Variants in SCHIP1 observed in about 807,000 individuals in gnomAD.
SCHIP1 encodes schwannomin interacting protein 1.
In SCHIP1, 8 loss-of-function variants were observed where a neutral mutation model predicts 29.7. That is an observed-to-expected ratio of 0.27 (90% CI 0.16 to 0.49). The LOEUF (loss-of-function observed/expected upper bound fraction) is 0.49, where lower values mean the gene tolerates loss of function less well. Ranked by LOEUF, SCHIP1 falls within the 20% of genes least tolerant of loss-of-function variation. SCHIP1 has a pLI of 0.99. For missense variants in SCHIP1, 193 were observed against 294.6 expected (o/e 0.66, Z 2.52); for synonymous variants, 76 against 94.9 (o/e 0.80, Z 1.16).
the SCHIP1 span, among the ~76,000 whole-genome samples, chr3:159,814,742 T>C: frequency 6.6e-6 from 1 of 152,240 alleles, no homozygotes; most frequent in Admixed American, 6.5e-5. Context: ...GTCCTATGAA[T>C]TGGGCCCTGA....
At chr3:159,856,533 T>C (rs1405465156) in intron 1 of SCHIP1, among the ~76,000 whole-genome samples, 1 of 152,098 alleles carries the variant, frequency 6.6e-6, no homozygotes, top group African/African-American at 2.4e-5. Flanking sequence ...TAATATAGAA[T>C]ATGGCAGAAG....
At chr3:159,696,160 G>T in the SCHIP1 span, among the ~76,000 whole-genome samples, 39 of 152,020 alleles carry the variant, frequency 2.6e-4, no homozygotes, top group Non-Finnish European at 5.1e-4. Context: ...CAAACTCCTT[G>T]GTTTATAACA....
At chr3:159,273,850 G>C in the SCHIP1 span, 2 of 1,613,418 alleles carry the variant, frequency 1.2e-6, no homozygotes, top group Non-Finnish European at 1.7e-6. Context: ...GTGTTACAAC[G>C]TGGGACTGTG....
At chr3:159,691,217 GAGTCTA>G in the SCHIP1 span, among the ~76,000 whole-genome samples, 5 of 152,136 alleles carry the variant, frequency 3.3e-5, no homozygotes, top group Non-Finnish European at 7.3e-5. Context: ...TATTGTGTGG[GAGTCTA>G]AGTCTCTTTG....
At chr3:159,462,979 T>C in the SCHIP1 span, among the ~76,000 whole-genome samples, 1 of 152,108 alleles carries the variant, frequency 6.6e-6, no homozygotes, top group Non-Finnish European at 1.5e-5. Context: ...ACAGTTCAGC[T>C]GTTAAAATGA....
chr3:159,847,776 A>G (rs6767193), intron 1 of SCHIP1, among the ~76,000 whole-genome samples: 7,384 of 152,220 alleles, frequency 0.049, 207 homozygotes, highest in Non-Finnish European at 0.069. Flanking sequence ...CCATTATTTT[A>G]ATTTTTTAAA....
chr3:159,897,317 T>C (rs1288926037), exon 7 of SCHIP1: 1 of 152,672 alleles, frequency 6.5e-6, no homozygotes, highest in Non-Finnish European at 1.5e-5. Flanking sequence ...CCTTGAAAGT[T>C]TTATGTATAA....
chr3:159,434,330 T>C, the SCHIP1 span, among the ~76,000 whole-genome samples: 1 of 152,134 alleles, frequency 6.6e-6, no homozygotes, highest in Non-Finnish European at 1.5e-5. Context: ...ACATAATGTT[T>C]GCTGATGCTA....
the SCHIP1 span, among the ~76,000 whole-genome samples, chr3:159,526,623 C>T: frequency 6.6e-6 from 1 of 152,160 alleles, no homozygotes. Context: ...GAGATGCAGG[C>T]CTAGGTCTCT....
chr3:159,660,008 A>G, the SCHIP1 span, among the ~76,000 whole-genome samples: 1 of 152,192 alleles, frequency 6.6e-6, no homozygotes, highest in Admixed American at 6.5e-5. Flanking sequence ...AGGGGATTAT[A>G]TTGAAATCTT....
the SCHIP1 span, among the ~76,000 whole-genome samples, chr3:159,481,125 G>A: frequency 3.3e-5 from 5 of 152,112 alleles, no homozygotes; most frequent in African/African-American, 1.2e-4. Flanking sequence ...CAGGCCATCT[G>A]GATGTACACA....
At chr3:159,780,183 C>T in the SCHIP1 span, among the ~76,000 whole-genome samples, 1 of 152,210 alleles carries the variant, frequency 6.6e-6, no homozygotes, top group Non-Finnish European at 1.5e-5. Context: ...AAATTTATGT[C>T]TAGAGCATTT....
the SCHIP1 span, among the ~76,000 whole-genome samples, chr3:159,733,143 C>A: frequency 6.6e-6 from 1 of 152,184 alleles, no homozygotes; most frequent in Non-Finnish European, 1.5e-5. Context: ...TTTTCTGTGT[C>A]ATCTTTCTTC....
chr3:159,715,350 A>G, the SCHIP1 span, among the ~76,000 whole-genome samples: 1 of 152,256 alleles, frequency 6.6e-6, no homozygotes, highest in African/African-American at 2.4e-5. Flanking sequence ...AATCCTCCAA[A>G]GGAATGCAGC....
At chr3:159,385,041 G>A in the SCHIP1 span, among the ~76,000 whole-genome samples, 1 of 151,752 alleles carries the variant, frequency 6.6e-6, no homozygotes, top group Non-Finnish European at 1.5e-5. Flanking sequence ...TATCAATTTT[G>A]TTGATCCTTT....
chr3:159,510,661 T>C, the SCHIP1 span, among the ~76,000 whole-genome samples: 1 of 152,246 alleles, frequency 6.6e-6, no homozygotes, highest in Non-Finnish European at 1.5e-5. Context: ...GGATGTCCTT[T>C]CTGTTTGTTA....
chr3:159,766,316 G>T, the SCHIP1 span, among the ~76,000 whole-genome samples: 1 of 152,162 alleles, frequency 6.6e-6, no homozygotes, highest in Non-Finnish European at 1.5e-5. Flanking sequence ...AAATTGCCAT[G>T]GTTCTATCAG....
At chr3:159,687,216 A>G in the SCHIP1 span, among the ~76,000 whole-genome samples, 4 of 152,166 alleles carry the variant, frequency 2.6e-5, no homozygotes, top group East Asian at 7.7e-4. Flanking sequence ...AATTCCCTCT[A>G]CAATCAGATC....
At chr3:159,840,088 G>A (rs1456829720) in exon 1 of SCHIP1, 24 of 1,526,114 alleles carry the variant, frequency 1.6e-5, no homozygotes, top group Non-Finnish European at 2.1e-5. Flanking sequence ...GCCTTACCAG[G>A]GCGTTCTCTC....
Sources: gnomAD v4.1 joint callset for allele counts (sites outside exome capture counted in the v4.1 genomes callset) on GRCh38, gnomAD v4.1.1 for gene constraint, MANE v1.5 for transcripts, NCBI Gene and HGNC (gene_info 2026-07-23, HGNC 2026-07-21) for gene names.